Variants in MND1 observed in about 807,000 individuals in gnomAD.
The protein encoded by MND1 is meiotic nuclear division protein 1 homolog.
A neutral mutation model predicts 35.1 loss-of-function variants in MND1; 28 were observed. The observed-to-expected ratio is 0.80, with a 90% CI of 0.59 to 1.09. MND1 has a LOEUF of 1.09. MND1 is among the 50% of genes least tolerant of loss of function. MND1 has a pLI of 0.00. For missense variants in MND1, 213 were observed against 239.6 expected (o/e 0.89, Z 0.73); for synonymous variants, 69 against 70.5 (o/e 0.98, Z 0.11).
chr4:153,386,321 T>C (rs1728862804), intron 4 of MND1, among the ~76,000 whole-genome samples: 1 of 148,758 alleles, frequency 6.7e-6, no homozygotes, highest in South Asian at 2.2e-4. Flanking sequence ...TGAGAACTCG[T>C]CTCTACAAAA....
intron 4 of MND1, among the ~76,000 whole-genome samples, chr4:153,383,760 C>A (rs1017944141): frequency 6.6e-6 from 1 of 152,202 alleles, no homozygotes; most frequent in African/African-American, 2.4e-5. Context: ...AACATCTGAT[C>A]CCATTTCATT....
rs374029189 is a variant in MND1, at chr4:153,393,830, CT to C, written c.277-421del. On this transcript the variant is annotated intron_variant, in intron 4 of 7. Transcript: ENST00000240488. ...ATAAAAAGAAAATGTTTTTTAAACT[CT>C]TTTTTTTTTTCAATGTACCCTAATG... 7.4e-3 allele frequency among the ~76,000 whole-genome samples: 884 copies of C among 119,592 alleles called. 6 individuals carry two copies. Among genetic ancestry groups the C allele is most frequent in the Admixed American group, 0.016 (191 of 12,066 alleles). The allele number at this position is 119,592 out of a possible 152,430, so 78.5% of individuals were successfully genotyped here.
intron 4 of MND1, among the ~76,000 whole-genome samples, chr4:153,376,714 C>T (rs770801951): frequency 6.6e-6 from 1 of 152,058 alleles, no homozygotes; most frequent in Non-Finnish European, 1.5e-5. Context: ...TGTATTTGTA[C>T]CCCTGTCCGT....
At chr4:153,395,355 G>T in intron 5 of MND1, among the ~76,000 whole-genome samples, 1 of 152,282 alleles carries the variant, frequency 6.6e-6, no homozygotes, top group East Asian at 1.9e-4. Context: ...CCCAGAAGTT[G>T]TCAGCCAGTC....
chr4:153,349,876 C>A (rs184749509), intron 1 of MND1, among the ~76,000 whole-genome samples, 188 bp from the exon 2 acceptor site: 2 of 152,198 alleles, frequency 1.3e-5, no homozygotes, highest in South Asian at 4.1e-4. Flanking sequence ...TTTACAGTTA[C>A]CATCTTGGCA....
At chr4:153,404,754 C>T (rs1365220809) in intron 6 of MND1, among the ~76,000 whole-genome samples, 1 of 152,110 alleles carries the variant, frequency 6.6e-6, no homozygotes, top group Non-Finnish European at 1.5e-5. Flanking sequence ...GCTAGGATTA[C>T]AGGCATGAGC....
At chr4:153,381,936 A>G (rs953386371) in intron 4 of MND1, 3 of 151,414 alleles carry the variant, frequency 2.0e-5, no homozygotes, top group Admixed American at 1.3e-4. Context: ...ATAGCACACA[A>G]CAGCCTAGAA....
At chr4:153,381,667 AATATATATAT>A (rs199673350) in intron 4 of MND1, 2 of 25,458 alleles carry the variant, frequency 7.9e-5, no homozygotes, top group Non-Finnish European at 1.3e-4. Context: ...TATATAATAT[AATATATATAT>A]ATATATATAT....
At chr4:153,403,800 C>A (rs1183994357) in intron 6 of MND1, among the ~76,000 whole-genome samples, 3 of 151,984 alleles carry the variant, frequency 2.0e-5, no homozygotes, top group Non-Finnish European at 2.9e-5. Context: ...CACTCTCACT[C>A]TGTCACCTCA....
At chr4:153,355,002 A>C (rs1301427769) in intron 2 of MND1, among the ~76,000 whole-genome samples, 1 of 152,036 alleles carries the variant, frequency 6.6e-6, no homozygotes, top group African/African-American at 2.4e-5. Context: ...CTCTCTAAAA[A>C]AATTTTTAAA....
chr4:153,367,674 T>C (rs1773690748), intron 4 of MND1, among the ~76,000 whole-genome samples: 1 of 152,222 alleles, frequency 6.6e-6, no homozygotes, highest in Admixed American at 6.5e-5. Context: ...TGTGTGGACA[T>C]ATGTTTTCAT....
chr4:153,395,862 CT>C (rs1160127905), intron 5 of MND1, among the ~76,000 whole-genome samples: 1 of 152,084 alleles, frequency 6.6e-6, no homozygotes, highest in Admixed American at 6.6e-5. Context: ...CTTCTCCTGT[CT>C]TTTTTTCTCC....
intron 4 of MND1, among the ~76,000 whole-genome samples, chr4:153,379,894 C>T (rs936305597): frequency 1.4e-5 from 2 of 147,624 alleles, no homozygotes; most frequent in African/African-American, 5.0e-5. Flanking sequence ...TTGTGGCGCA[C>T]ACCTGTAGTC....
intron 4 of MND1, chr4:153,381,663 A>ATTTTTT (rs1412767814): frequency 1.2e-5 from 1 of 82,284 alleles, no homozygotes; most frequent in Non-Finnish European, 2.3e-5. Context: ...AATATATATA[A>ATTTTTT]TATAATATAT....
rs1561050679 is a variant in MND1 at position 153,344,744 on chromosome 4, A to G, written c.3+4A>G. The stretch of plus-strand genomic sequence containing the variant: ...AAGCCCCTGCGCCCGCGCCATGGTA[A>G]GGACTGAGGCTACGGTCCCGCGTCT... On this transcript the variant is annotated splice_donor_region_variant and intron_variant, in intron 1 of 7. Transcript: ENST00000240488. 1.9e-6 allele frequency: 3 copies of G among 1,600,224 alleles called. No homozygotes were observed. The highest frequency in any genetic ancestry group is 2.3e-5 in the East Asian group (1 of 43,634).
chr4:153,387,258 T>C (rs1235397764), intron 4 of MND1, among the ~76,000 whole-genome samples: 3 of 152,184 alleles, frequency 2.0e-5, no homozygotes, highest in African/African-American at 7.2e-5. Flanking sequence ...CACGGGAATT[T>C]TTCATTAAAA....
chr4:153,356,031 G>GA (rs1406169882), intron 3 of MND1, among the ~76,000 whole-genome samples: 11 of 152,304 alleles, frequency 7.2e-5, no homozygotes, highest in Admixed American at 4.6e-4. Context: ...TAAGCTGGCT[G>GA]GTAGCGCACA....
intron 4 of MND1, among the ~76,000 whole-genome samples, chr4:153,369,396 G>A (rs1372909857): frequency 6.6e-6 from 1 of 152,074 alleles, no homozygotes; most frequent in East Asian, 1.9e-4. Flanking sequence ...CATAAATACA[G>A]GCATACCTCA....
Position 153,408,906 on chromosome 4 carries a change from T to TTGTG in MND1, c.467-61_467-58dup, listed in dbSNP as rs374115359. The stretch of plus-strand genomic sequence containing the variant: ...AATGTATACATAGCTAAAGATCATT[T>TTGTG]TGTGTGTATATATATATATATATAT... On this transcript the variant is annotated intron_variant, in intron 6 of 7. Transcript: ENST00000240488. The TTGTG allele has an allele frequency of 6.2e-3, 2,044 of 329,932 alleles. 28 individuals carry two copies. The highest frequency in any genetic ancestry group is 0.049 in the African/African-American group (1,631 of 33,326). The allele number at this position is 329,932 out of a possible 1,614,324, so 20.4% of individuals were successfully genotyped here.
Sources: allele counts gnomAD v4.1 joint callset (sites outside exome capture counted in the v4.1 genomes callset), GRCh38; gene constraint gnomAD v4.1.1; transcripts MANE v1.5; gene names NCBI Gene and HGNC (gene_info 2026-07-23, HGNC 2026-07-21).